Variants in ATP11A observed in about 807,000 individuals in gnomAD.
ATP11A encodes ATPase phospholipid transporting 11A.
ATP11A carries 81 observed loss-of-function variants against 154.4 expected under a neutral mutation model. The observed-to-expected ratio is 0.52, with a 90% CI of 0.44 to 0.63. The LOEUF (loss-of-function observed/expected upper bound fraction) is 0.63, where lower values mean the gene tolerates loss of function less well. ATP11A is among the 30% of genes least tolerant of loss of function. ATP11A has a pLI of 0.00. For synonymous variants in ATP11A, 623 were observed against 585.9 expected, an observed-to-expected ratio of 1.06 and a Z score of -0.91; for missense variants, 1,316 against 1,474.3, an observed-to-expected ratio of 0.89 and a Z score of 1.76.
At chr13:112,861,672 C>T (rs72660062) in intron 24 of ATP11A, among the ~76,000 whole-genome samples, 9 of 152,340 alleles carry the variant, frequency 5.9e-5, no homozygotes, top group Non-Finnish European at 1.3e-4. Flanking sequence ...TCTGTGGGAT[C>T]TTGACGGCTT....
intron 16 of ATP11A, among the ~76,000 whole-genome samples, chr13:112,837,441 T>A (rs1594129554): frequency 2.0e-5 from 3 of 152,236 alleles, no homozygotes; most frequent in Admixed American, 2.0e-4. Flanking sequence ...ACTGGCTGCC[T>A]GCACGCATCC....
chr13:112,870,494 T>C (rs2080480703), intron 25 of ATP11A, among the ~76,000 whole-genome samples: 1 of 152,206 alleles, frequency 6.6e-6, no homozygotes, highest in Admixed American at 6.5e-5. Flanking sequence ...TTCTCCTGCC[T>C]CAGCCTCCCT....
At chr13:112,693,413 C>T (rs1301547491) in intron 1 of ATP11A, among the ~76,000 whole-genome samples, 3 of 134,576 alleles carry the variant, frequency 2.2e-5, no homozygotes, top group South Asian at 4.8e-4. Context: ...TATGTGCTGT[C>T]GGGGGCGTGA....
At chr13:112,779,433 G>A (rs2077445101) in intron 1 of ATP11A, among the ~76,000 whole-genome samples, 1 of 152,046 alleles carries the variant, frequency 6.6e-6, no homozygotes, top group Non-Finnish European at 1.5e-5. Context: ...AGCCGCTGGA[G>A]TGAGGAGTAG....
At chr13:112,806,762 T>C (rs2078333639) in intron 4 of ATP11A, among the ~76,000 whole-genome samples, 1 of 152,182 alleles carries the variant, frequency 6.6e-6, no homozygotes, top group African/African-American at 2.4e-5. Flanking sequence ...ATCCATTTTA[T>C]CACCCCCAGA....
chr13:112,702,788 G>A (rs1043130416), intron 1 of ATP11A, among the ~76,000 whole-genome samples: 2 of 152,246 alleles, frequency 1.3e-5, no homozygotes. Flanking sequence ...AGCGGGCGGT[G>A]TGCGTGTCTC....
At chr13:112,737,275 A>G (rs926506257) in intron 1 of ATP11A, among the ~76,000 whole-genome samples, 1 of 152,330 alleles carries the variant, frequency 6.6e-6, no homozygotes, top group Admixed American at 6.5e-5. Context: ...CAACAGGGGC[A>G]TCTCAGATGC....
At chr13:112,861,215 G>C (rs1179858506) in intron 24 of ATP11A, among the ~76,000 whole-genome samples, 1 of 152,144 alleles carries the variant, frequency 6.6e-6, no homozygotes, top group Non-Finnish European at 1.5e-5. Context: ...CTGCCCACCA[G>C]GTCCCTCCCA....
chr13:112,867,041 G>A (rs1413078959), intron 25 of ATP11A, among the ~76,000 whole-genome samples: 4 of 104,620 alleles, frequency 3.8e-5, no homozygotes, highest in Admixed American at 2.3e-4. Context: ...TTGGGCTTAC[G>A]TAAGCATCTC....
At chr13:112,783,283 C>T (rs1201604750) in intron 1 of ATP11A, among the ~76,000 whole-genome samples, 3 of 152,130 alleles carry the variant, frequency 2.0e-5, no homozygotes, top group Admixed American at 6.5e-5. Context: ...TCAGACCCTG[C>T]CTGCCTTTTT....
intron 14 of ATP11A, among the ~76,000 whole-genome samples, chr13:112,833,576 C>T (rs2079153945): frequency 6.6e-6 from 1 of 152,176 alleles, no homozygotes; most frequent in Non-Finnish European, 1.5e-5. Context: ...TATTACTGAA[C>T]CTCCCCTCCC....
chr13:112,810,923 G>A (rs1451245547), intron 5 of ATP11A, among the ~76,000 whole-genome samples, 197 bp downstream of exon 5: 1 of 151,954 alleles, frequency 6.6e-6, no homozygotes, highest in Non-Finnish European at 1.5e-5. Context: ...CTCCAGCCTG[G>A]GCAACCGAGA....
At chr13:112,808,845 T>C (rs966836613) in intron 4 of ATP11A, among the ~76,000 whole-genome samples, 2 of 152,144 alleles carry the variant, frequency 1.3e-5, no homozygotes, top group Non-Finnish European at 2.9e-5. Flanking sequence ...GCCCCTCCGA[T>C]CAGCCCATCA....
intron 1 of ATP11A, among the ~76,000 whole-genome samples, chr13:112,704,646 GT>G (rs1305217340): frequency 3.3e-5 from 5 of 152,248 alleles, no homozygotes; most frequent in Admixed American, 3.3e-4. Context: ...TGGGCTGGGG[GT>G]GTCCCCCACT....
intron 4 of ATP11A, among the ~76,000 whole-genome samples, chr13:112,810,205 G>GTAAC (rs1357200044): frequency 1.3e-5 from 2 of 152,254 alleles, no homozygotes; most frequent in Non-Finnish European, 2.9e-5. Flanking sequence ...GGGTGGAAAT[G>GTAAC]TAACTGGCTC....
At chr13:112,723,371 A>G (rs1230743894) in intron 1 of ATP11A, among the ~76,000 whole-genome samples, 2 of 30,478 alleles carry the variant, frequency 6.6e-5, no homozygotes, top group African/African-American at 2.5e-4. Context: ...TGCCGGGTTC[A>G]GGCTATTCTC....
intron 2 of ATP11A, among the ~76,000 whole-genome samples, chr13:112,788,063 T>G (rs377636350): frequency 9.4e-3 from 758 of 80,984 alleles, no homozygotes; most frequent in Middle Eastern, 0.044. Context: ...CCCCTGTGGA[T>G]ACCTACTTAA....
At position 112,824,338 on chromosome 13, in the gene ATP11A, C is replaced by T. The variant is rs59517603; in HGVS notation, c.791-6C>T. On this transcript the variant is annotated splice_polypyrimidine_tract_variant and splice_region_variant and intron_variant, in intron 9 of 29. Transcript: ENST00000375645. ...TGGTCATCACCCTTGCTCTTCCTCT[C>T]TGTAGGTGTGGCTATTTACACGGGA... The T allele has an allele frequency of 0.012, 18,786 of 1,612,332 alleles. 703 individuals carry two copies. The highest frequency in any genetic ancestry group is 0.089 in the African/African-American group (6,691 of 74,936).
chr13:112,844,473 C>T (rs1051113689), intron 17 of ATP11A, among the ~76,000 whole-genome samples: 2 of 152,170 alleles, frequency 1.3e-5, no homozygotes, highest in African/African-American at 2.4e-5. Flanking sequence ...GACTGTCTCG[C>T]GCCCTCATAC....
Sources: allele counts gnomAD v4.1 joint callset (sites outside exome capture counted in the v4.1 genomes callset), GRCh38; gene constraint gnomAD v4.1.1; transcripts MANE v1.5; gene names NCBI Gene and HGNC (gene_info 2026-07-23, HGNC 2026-07-21).